SKAP2: variants seen among roughly 807,000 people sequenced by gnomAD.
SKAP2 encodes the protein src kinase associated phosphoprotein 2.
A neutral mutation model predicts 54.9 loss-of-function variants in SKAP2; 28 were observed. The observed-to-expected ratio is 0.51, with a 90% confidence interval of 0.38 to 0.70. SKAP2 has a LOEUF of 0.70. SKAP2 is among the 30% of genes least tolerant of loss of function. SKAP2 has a pLI of 0.00. For synonymous variants in SKAP2, 137 were observed against 134.3 expected, an observed-to-expected ratio of 1.02 and a Z score of -0.14; for missense variants, 356 against 424.1, an observed-to-expected ratio of 0.84 and a Z score of 1.41.
intron 9 of SKAP2, among the ~76,000 whole-genome samples, chr7:26,708,510 T>C (rs1354688072): frequency 6.6e-6 from 1 of 152,198 alleles, no homozygotes; most frequent in Non-Finnish European, 1.5e-5. Context: ...ATCTGGTCTC[T>C]TCCGTATATA....
intron 9 of SKAP2, among the ~76,000 whole-genome samples, chr7:26,711,263 G>A (rs563281299): frequency 2.6e-5 from 4 of 152,130 alleles, no homozygotes; most frequent in Non-Finnish European, 5.9e-5. Context: ...GAATTGGTGA[G>A]AGCATATGTC....
chr7:26,760,719 C>T (rs546896874), intron 4 of SKAP2, among the ~76,000 whole-genome samples: 7 of 152,238 alleles, frequency 4.6e-5, no homozygotes, highest in African/African-American at 1.7e-4. Context: ...AGCAAAACCT[C>T]AGATAAGGGG....
chr7:26,753,854 G>T (rs766678113), intron 4 of SKAP2, among the ~76,000 whole-genome samples: 1 of 152,094 alleles, frequency 6.6e-6, no homozygotes, highest in Non-Finnish European at 1.5e-5. Context: ...GGAGACAGAA[G>T]AATGAGAAGC....
chr7:26,685,708 A>G (rs1786622130), intron 10 of SKAP2, among the ~76,000 whole-genome samples: 2 of 152,194 alleles, frequency 1.3e-5, no homozygotes, highest in Admixed American at 1.3e-4. Context: ...TGGGTAATAA[A>G]TGCTTTGTCA....
rs150160685 is a variant in SKAP2 at position 26,839,096 on chromosome 7, G to A, written c.307+4934C>T. On this transcript the variant is annotated intron_variant, in intron 4 of 12. Transcript: ENST00000345317. ...AGTCCACTTTGTTATAGTATCATCCGTCCACTCTGTTTTATTCTGATGAAT... is the reference window on the plus strand; with the variant it reads ...AGTCCACTTTGTTATAGTATCATCCATCCACTCTGTTTTATTCTGATGAAT... Among the ~76,000 whole-genome samples, 713 of 152,026 alleles carry A rather than the reference G, an allele frequency of 4.7e-3. 3 individuals are homozygous for A. The highest frequency in any genetic ancestry group is 7.3e-3 in the Non-Finnish European group (496 of 67,960).
At chr7:26,744,993 T>C (rs1031420266) in intron 4 of SKAP2, among the ~76,000 whole-genome samples, 1 of 152,220 alleles carries the variant, frequency 6.6e-6, no homozygotes, top group Non-Finnish European at 1.5e-5. Flanking sequence ...CATCATATTA[T>C]TGGCTTCATT....
chr7:26,827,948 G>A (rs538499522), intron 4 of SKAP2, among the ~76,000 whole-genome samples: 1 of 151,908 alleles, frequency 6.6e-6, no homozygotes, highest in African/African-American at 2.4e-5. Context: ...ACTGACACAG[G>A]GAAAAAATAA....
intron 4 of SKAP2, among the ~76,000 whole-genome samples, chr7:26,831,487 A>T (rs529849039): frequency 6.6e-6 from 1 of 152,186 alleles, no homozygotes; most frequent in Non-Finnish European, 1.5e-5. Flanking sequence ...GACAACACTC[A>T]CAAACAGTTG....
intron 4 of SKAP2, among the ~76,000 whole-genome samples, chr7:26,740,261 A>G (rs1179041085): frequency 6.6e-6 from 1 of 152,134 alleles, no homozygotes; most frequent in Non-Finnish European, 1.5e-5. Flanking sequence ...TCCCTGAAAG[A>G]GAGGTTAAGA....
At chr7:26,662,167 A>G (rs1398133457), downstream of SKAP2, among the ~76,000 whole-genome samples, 1 of 152,162 alleles carries the variant, frequency 6.6e-6, no homozygotes, top group African/African-American at 2.4e-5. Flanking sequence ...TTATGTTACC[A>G]TAACTGGTAG....
At chr7:26,725,372 T>G (rs898215099) in intron 9 of SKAP2, 56 bp downstream of exon 9, 1 of 1,124,708 alleles carries the variant, frequency 8.9e-7, no homozygotes, top group South Asian at 1.5e-5. Flanking sequence ...ACACACACAC[T>G]CACACACACA....
the SKAP2 span, among the ~76,000 whole-genome samples, chr7:26,659,501 T>G: frequency 6.6e-6 from 1 of 152,200 alleles, no homozygotes; most frequent in Non-Finnish European, 1.5e-5. Context: ...AAAAGTTGGT[T>G]AACGTTTGAA....
chr7:26,699,680 TAAAC>T (rs1484236587), intron 9 of SKAP2, among the ~76,000 whole-genome samples: 1 of 152,072 alleles, frequency 6.6e-6, no homozygotes, highest in East Asian at 1.9e-4. Flanking sequence ...ATTCAAAACA[TAAAC>T]AAAAGCTTTT....
intron 9 of SKAP2, among the ~76,000 whole-genome samples, chr7:26,706,655 T>C (rs1470225278): frequency 6.6e-6 from 1 of 152,210 alleles, no homozygotes. Flanking sequence ...TGTCACATAA[T>C]GTTTATGTCA....
chr7:26,737,538 G>A (rs1399558820), intron 6 of SKAP2, among the ~76,000 whole-genome samples: 1 of 151,962 alleles, frequency 6.6e-6, no homozygotes, highest in Non-Finnish European at 1.5e-5. Flanking sequence ...TTTTAGAATG[G>A]GGGAAAAAAC....
intron 4 of SKAP2, among the ~76,000 whole-genome samples, chr7:26,813,851 T>C (rs3801831): frequency 0.21 from 32,314 of 152,166 alleles, 3,510 homozygotes; most frequent in Non-Finnish European, 0.24. Context: ...TTTCTTTCTA[T>C]GTAATTTGCC....
intron 4 of SKAP2, among the ~76,000 whole-genome samples, chr7:26,795,706 G>T (rs1482703823): frequency 6.6e-6 from 1 of 152,186 alleles, no homozygotes; most frequent in Non-Finnish European, 1.5e-5. Flanking sequence ...AATGATAAGG[G>T]AAGCAGGCAC....
intron 4 of SKAP2, among the ~76,000 whole-genome samples, chr7:26,770,964 A>G (rs1783177126): frequency 6.6e-6 from 1 of 152,210 alleles, no homozygotes; most frequent in African/African-American, 2.4e-5. Flanking sequence ...AAAAACTAAA[A>G]GTGGAGACAA....
chr7:26,764,085 G>C (rs1252933030), intron 4 of SKAP2, among the ~76,000 whole-genome samples: 1 of 152,068 alleles, frequency 6.6e-6, no homozygotes, highest in African/African-American at 2.4e-5. Flanking sequence ...ATATGACAAA[G>C]ATGAAAGCTA....
Sources: allele counts gnomAD v4.1 joint callset (sites outside exome capture counted in the v4.1 genomes callset), GRCh38; gene constraint gnomAD v4.1.1; transcripts MANE v1.5; gene names NCBI Gene and HGNC (gene_info 2026-07-23, HGNC 2026-07-21).